The following RHPN1 variants were observed in gnomAD, a reference collection of about 807,000 sequenced individuals.
RHPN1 encodes the protein rhophilin Rho GTPase binding protein 1.
A neutral mutation model predicts 74.7 loss-of-function variants in RHPN1; 77 were observed. The observed-to-expected ratio is 1.03, with a 90% CI of 0.86 to 1.25. The LOEUF (loss-of-function observed/expected upper bound fraction) is 1.25. Ranked by LOEUF, RHPN1 falls within the 50% of genes most tolerant of loss-of-function variation. RHPN1 has a pLI of 0.00. For missense variants in RHPN1, 987 were observed against 932.2 expected (o/e 1.06, Z -0.77); for synonymous variants, 444 against 414.5 (o/e 1.07, Z -0.87).
chr8:143,366,058 G>T (rs977953527), upstream of RHPN1, among the ~76,000 whole-genome samples: 10 of 151,602 alleles, frequency 6.6e-5, no homozygotes, highest in African/African-American at 2.4e-4. Flanking sequence ...CAACACTTTG[G>T]GAGGCCAAGG....
upstream of RHPN1, chr8:143,366,710 A>G (rs1328883274): frequency 6.6e-6 from 1 of 152,230 alleles, no homozygotes; most frequent in Non-Finnish European, 1.5e-5. Flanking sequence ...TGACCCTCAA[A>G]GTTTGAGAGC....
rs1174309431 is a variant in RHPN1, at chr8:143,384,038, AG to A, written c.*1389del. On this transcript the variant is annotated 3_prime_UTR_variant, in exon 15 of 15. Coordinates refer to ENST00000289013, the MANE Select transcript of RHPN1 (RefSeq NM_052924.3). ...AGGGTGTTTGGGGTCCCAGAGACGC[AG>A]GCGCCGCGGCGCGATCTTCCTGGGC... 6.6e-6 allele frequency: 1 copy of A among 152,072 alleles called. No homozygotes were observed. Among genetic ancestry groups the A allele is most frequent in the Non-Finnish European group, 1.5e-5 (1 of 68,056 alleles). 9.4% of individuals were successfully genotyped at this position (152,072 alleles called of 1,614,324 possible).
At position 143,381,340 on chromosome 8, in the gene RHPN1, G is replaced by T. The variant is rs202062863; in HGVS notation, c.1484G>T (p.Arg495Leu). The T allele has an allele frequency of 3.1e-6, 5 of 1,608,668 alleles. No individual in the cohort carries two copies. The South Asian group carries it at 4.4e-5, about 14-fold the overall frequency. The part of the protein sequence containing the change: ...SQGKGPDIFH[R>L]LGPLSVFSAK... ...GGGAAGGGGCCTGACATCTTCCATC[G>T]GCTGGTGAGCACACCCGTCCCCAGG... Residue 495 changes from arginine (R) to leucine (L), a missense_variant, in exon 12 of 15, where the codon CGG becomes CTG. By Grantham distance (102) the Arg-to-Leu change is moderately radical (BLOSUM62 -2). Transcript: ENST00000289013.
At chr8:143,380,435 C>T in intron 10 of RHPN1, 154 bp from the exon 11 acceptor site, 1 of 721,236 alleles carries the variant, frequency 1.4e-6, no homozygotes, top group Admixed American at 3.1e-5. Context: ...TGGCAGAGCC[C>T]TCCTGCACAG....
chr8:143,376,950 G>T (rs987143709), intron 3 of RHPN1, among the ~76,000 whole-genome samples: 1 of 146,038 alleles, frequency 6.8e-6, no homozygotes, highest in Non-Finnish European at 1.5e-5. Context: ...ATCTCTGTGC[G>T]TGTGTCTGTG....
At chr8:143,370,682 G>T (rs1817764691) in intron 1 of RHPN1, among the ~76,000 whole-genome samples, 1 of 152,260 alleles carries the variant, frequency 6.6e-6, no homozygotes, top group Admixed American at 6.5e-5. Context: ...CCAAGCCCTG[G>T]GCCTCAGCCC....
chr8:143,378,728 C>A lies in RHPN1; in HGVS notation c.492C>A (p.Gly164=). The change falls in exon 6 of 15, where the codon GGC becomes GGA. Residue 164 remains glycine, a synonymous_variant. Transcript: ENST00000289013. ...AMRTPSRNES[G]LELLTAYYNQ... is the part of the protein sequence containing the mutation. ...GGACCCCCAGCCGGAATGAGTCGGGCCTGGAGCTGCTCACAGCCTATTACA... is the reference window on the plus strand; with the variant it reads ...GGACCCCCAGCCGGAATGAGTCGGGACTGGAGCTGCTCACAGCCTATTACA... 6.3e-7 allele frequency: 1 copy of A among 1,594,650 alleles called. No homozygotes were observed. Among genetic ancestry groups the A allele is most frequent in the Non-Finnish European group, 8.5e-7 (1 of 1,171,466 alleles).
At chr8:143,374,181 G>A in intron 1 of RHPN1, 1 of 985,464 alleles carries the variant, frequency 1.0e-6, no homozygotes, top group Non-Finnish European at 1.2e-6. Flanking sequence ...TCTTTACGGG[G>A]AAGACGGGAA....
intron 1 of RHPN1, among the ~76,000 whole-genome samples, chr8:143,369,696 G>A (rs1817696958): frequency 6.6e-6 from 1 of 152,206 alleles, no homozygotes; most frequent in Admixed American, 6.5e-5. Flanking sequence ...TGTTCCCTGC[G>A]GACCAGCTCG....
intron 2 of RHPN1, 24 bp downstream of exon 2, chr8:143,375,692 C>T (rs981754403): frequency 1.3e-6 from 2 of 1,563,514 alleles, no homozygotes; most frequent in Middle Eastern, 1.7e-4. Flanking sequence ...ACTGCCCGGC[C>T]CCGGGAGCAG....
At position 143,382,596 on chromosome 8, in the gene RHPN1, G is replaced by A; in HGVS notation, c.1958G>A (p.Cys653Tyr). 6.2e-7 allele frequency: 1 copy of A among 1,611,048 alleles called. No individual in the cohort carries two copies. The highest frequency in any genetic ancestry group is 1.3e-5 in the African/African-American group (1 of 75,000). The stretch of plus-strand genomic sequence containing the variant: ...AAGACTGGAGGCTGCCCCCAGCCCT[G>A]TGCCCCAGTGAAGCCAGCTCCGCCC... ...QGKTGGCPQP[C>Y]APVKPAPPSS... Residue 653 changes from cysteine (C) to tyrosine (Y), a missense_variant, in exon 15 of 15, where the codon TGT (cysteine) becomes TAT (tyrosine). Transcript: ENST00000289013.
intron 8 of RHPN1, 152 bp from the exon 9 acceptor site, chr8:143,379,677 T>G (rs1818565094): frequency 1.0e-6 from 1 of 985,274 alleles, no homozygotes; most frequent in Non-Finnish European, 1.2e-6. Context: ...GACCCGAGCC[T>G]CTGCCTCCAG....
chr8:143,376,454 C>T (rs959550485), intron 2 of RHPN1, 71 bp from the exon 3 acceptor site: 80 of 1,579,328 alleles, frequency 5.1e-5, no homozygotes, highest in African/African-American at 3.0e-4. Flanking sequence ...GCTGGCAGGA[C>T]GGCTGCAGTG....
intron 1 of RHPN1, among the ~76,000 whole-genome samples, chr8:143,374,667 G>A (rs988938470): frequency 2.6e-5 from 4 of 152,240 alleles, no homozygotes; most frequent in South Asian, 4.1e-4. Flanking sequence ...ATGGCCACGG[G>A]GAAGAGTGGG....
upstream of RHPN1, chr8:143,368,745 T>G: frequency 1.7e-5 from 5 of 293,700 alleles, no homozygotes; most frequent in East Asian, 5.6e-5. Flanking sequence ...GGTTGGCTGA[T>G]ATAGCTGTCC....
Position 143,382,710 on chromosome 8 carries a change from GCCCTCCCCAC to G in RHPN1, c.*62_*71del. 2 of 1,451,342 alleles carry G rather than the reference GCCCTCCCCAC, an allele frequency of 1.4e-6. No individual in the cohort carries two copies. The highest frequency in any genetic ancestry group is 1.9e-6 in the Non-Finnish European group (2 of 1,066,472). The allele number at this position is 1,451,342 out of a possible 1,614,324, so 89.9% of individuals were successfully genotyped here. On this transcript the variant is annotated 3_prime_UTR_variant, in exon 15 of 15. Coordinates refer to ENST00000289013, the MANE Select transcript of RHPN1 (RefSeq NM_052924.3). ...CCAGCTGGCAGCAAGCACCGAGCAT[GCCCTCCCCAC>G]CCAGAGGACCTCCGGGCAATGCCTG...
chr8:143,374,127 C>G (rs953187526), intron 1 of RHPN1: 1 of 984,912 alleles, frequency 1.0e-6, no homozygotes, highest in Non-Finnish European at 1.2e-6. Context: ...AAAAAGAACT[C>G]TCTCCAGATA....
chr8:143,377,151 TGTGC>T (rs759815022), intron 3 of RHPN1, among the ~76,000 whole-genome samples: 5 of 152,300 alleles, frequency 3.3e-5, no homozygotes, highest in Non-Finnish European at 7.4e-5. Context: ...TGTGTGTGTG[TGTGC>T]GCGCGCATGT....
In RHPN1 at chr8:143,383,420, A is replaced by C. The variant is rs1818869605; in HGVS notation, c.*769A>C. ...GAGCCTGGGGCCTGCATGGGCCCCC[A>C]GCCCTCCCCAGCCTGCTTGGGCCGC... On this transcript the variant is annotated 3_prime_UTR_variant, in exon 15 of 15. Coordinates refer to ENST00000289013, the MANE Select transcript of RHPN1 (RefSeq NM_052924.3). The C allele has an allele frequency of 6.6e-6, 1 of 152,312 alleles. No individual in the cohort carries two copies. The highest frequency in any genetic ancestry group is 2.4e-5 in the African/African-American group (1 of 41,462). 9.4% of individuals were successfully genotyped at this position (152,312 alleles called of 1,614,324 possible).
Sources: gnomAD v4.1 joint callset for allele counts (sites outside exome capture counted in the v4.1 genomes callset) on GRCh38, gnomAD v4.1.1 for gene constraint, MANE v1.5 for transcripts, NCBI Gene and HGNC (gene_info 2026-07-23, HGNC 2026-07-21) for gene names.